Variants in B3GALT1 observed in about 807,000 individuals in gnomAD.
B3GALT1 encodes UDP-Gal:betaGlcNAc beta 1,3-galactosyltransferase, polypeptide 1.
A neutral mutation model predicts 23.2 loss-of-function variants in B3GALT1; 10 were observed. The observed-to-expected ratio is 0.43, with a 90% confidence interval of 0.27 to 0.73. The LOEUF (loss-of-function observed/expected upper bound fraction) is 0.73, where lower values mean the gene tolerates loss of function less well. B3GALT1 is among the 30% of genes least tolerant of loss of function. B3GALT1 has a pLI of 0.21. For synonymous variants in B3GALT1, 156 were observed against 141.5 expected, an observed-to-expected ratio of 1.10 and a Z score of -0.73; for missense variants, 299 against 405.4, an observed-to-expected ratio of 0.74 and a Z score of 2.25.
intron 1 of B3GALT1, among the ~76,000 whole-genome samples, chr2:167,447,816 A>T (rs1392132546): frequency 6.6e-6 from 1 of 152,120 alleles, no homozygotes; most frequent in Non-Finnish European, 1.5e-5. Context: ...TTCCTGGGTG[A>T]GGCGATGCCT....
At chr2:167,745,266 G>T (rs1014107602) in intron 3 of B3GALT1, among the ~76,000 whole-genome samples, 3 of 151,900 alleles carry the variant, frequency 2.0e-5, no homozygotes, top group African/African-American at 4.8e-5. Context: ...AATGTAGATT[G>T]TTGCTCACCC....
intron 4 of B3GALT1, among the ~76,000 whole-genome samples, chr2:167,840,792 A>G (rs1432177048): frequency 6.8e-6 from 1 of 147,688 alleles, no homozygotes; most frequent in Non-Finnish European, 1.5e-5. Flanking sequence ...TCCAACAATG[A>G]TAGACTGGAT....
intron 2 of B3GALT1, among the ~76,000 whole-genome samples, chr2:167,546,880 A>G (rs1216836324): frequency 6.6e-6 from 1 of 152,196 alleles, no homozygotes; most frequent in African/African-American, 2.4e-5. Context: ...TCATTTCACC[A>G]GAGTGTTTCT....
intron 3 of B3GALT1, among the ~76,000 whole-genome samples, chr2:167,653,193 G>GTGGC (rs1685896161): frequency 6.6e-6 from 1 of 152,194 alleles, no homozygotes; most frequent in African/African-American, 2.4e-5. Context: ...TTTAATTTGT[G>GTGGC]TGGCAGTTGT....
At chr2:167,750,812 T>C (rs1180352467) in intron 3 of B3GALT1, among the ~76,000 whole-genome samples, 1 of 151,720 alleles carries the variant, frequency 6.6e-6, no homozygotes, top group Non-Finnish European at 1.5e-5. Flanking sequence ...CCTTCTCTGG[T>C]ACCTACATAT....
chr2:167,413,494 A>G (rs1698422592), intron 1 of B3GALT1, among the ~76,000 whole-genome samples: 1 of 152,002 alleles, frequency 6.6e-6, no homozygotes, highest in Non-Finnish European at 1.5e-5. Context: ...AAATTCATAA[A>G]TTACTTCCTC....
intron 1 of B3GALT1, among the ~76,000 whole-genome samples, chr2:167,445,226 G>C (rs148307702): frequency 0.012 from 1,785 of 152,332 alleles, 14 homozygotes; most frequent in Non-Finnish European, 0.02. Context: ...TGTGGTCTGA[G>C]TGACAGTTTG....
At chr2:167,781,100 CTA>C (rs1574259336) in intron 3 of B3GALT1, among the ~76,000 whole-genome samples, 1 of 152,146 alleles carries the variant, frequency 6.6e-6, no homozygotes, top group Admixed American at 6.5e-5. Flanking sequence ...CTCAGAATTA[CTA>C]AAGTTATATG....
chr2:167,540,806 T>TG (rs1467408315), intron 2 of B3GALT1, among the ~76,000 whole-genome samples: 3 of 152,138 alleles, frequency 2.0e-5, no homozygotes, highest in African/African-American at 7.2e-5. Context: ...CATCAAATCT[T>TG]GAAAAACAGA....
At chr2:167,430,679 A>G (rs1052228765) in intron 1 of B3GALT1, among the ~76,000 whole-genome samples, 5 of 152,184 alleles carry the variant, frequency 3.3e-5, no homozygotes, top group African/African-American at 9.7e-5. Flanking sequence ...TTGAGCAAAT[A>G]GAAGAATGGA....
chr2:167,536,354 A>G (rs1268978233), intron 2 of B3GALT1, among the ~76,000 whole-genome samples: 3 of 152,174 alleles, frequency 2.0e-5, no homozygotes, highest in African/African-American at 7.2e-5. Context: ...AAAGAAAGAG[A>G]AAGACGTGGA....
chr2:167,377,640 G>A (rs1194581519), intron 1 of B3GALT1, among the ~76,000 whole-genome samples: 2 of 151,994 alleles, frequency 1.3e-5, no homozygotes, highest in Non-Finnish European at 2.9e-5. Context: ...TAAAAACAGT[G>A]ACCCCTGCCT....
chr2:167,567,754 A>G (rs1296260153), intron 2 of B3GALT1, among the ~76,000 whole-genome samples: 1 of 152,066 alleles, frequency 6.6e-6, no homozygotes, highest in Admixed American at 6.5e-5. Context: ...CCCGAAGTCC[A>G]TAGTTTACAT....
chr2:167,623,514 A>C, intron 2 of B3GALT1, among the ~76,000 whole-genome samples: 1 of 152,208 alleles, frequency 6.6e-6, no homozygotes, highest in African/African-American at 2.4e-5. Context: ...AGAAAACCAA[A>C]CACCGCATAT....
intron 2 of B3GALT1, among the ~76,000 whole-genome samples, chr2:167,558,631 G>A (rs1683900263): frequency 6.6e-6 from 1 of 152,218 alleles, no homozygotes; most frequent in African/African-American, 2.4e-5. Context: ...GACGGGCTTA[G>A]GAAATGGCGC....
At position 167,411,224 on chromosome 2, in the gene B3GALT1, T is replaced by TAAC. The variant is rs141653413; in HGVS notation, c.-510-78926_-510-78924dup. ...TACATCAAGCTAAAAATCTTCTGTA[T>TAAC]AACAACAACAACAACAACAACAACA... is the stretch of plus-strand genomic sequence containing the variant. On this transcript the variant is annotated intron_variant, in intron 1 of 4. Coordinates refer to ENST00000392690, the MANE Select transcript of B3GALT1 (RefSeq NM_020981.4). Among the ~76,000 whole-genome samples the TAAC allele has an allele frequency of 2.8e-3, 417 of 150,726 alleles. 2 individuals are homozygous for TAAC. Among genetic ancestry groups the TAAC allele is most frequent in the East Asian group, 0.027 (137 of 5,130 alleles).
chr2:167,629,809 T>G (rs1176445491), intron 2 of B3GALT1, among the ~76,000 whole-genome samples: 1 of 151,790 alleles, frequency 6.6e-6, no homozygotes, highest in Non-Finnish European at 1.5e-5. Context: ...CTTGGCAGAT[T>G]TACAAATGTA....
At chr2:167,699,313 C>T (rs1686837635) in intron 3 of B3GALT1, among the ~76,000 whole-genome samples, 3 of 149,882 alleles carry the variant, frequency 2.0e-5, no homozygotes, top group South Asian at 4.2e-4. Context: ...TATATAACAT[C>T]GCCTTAAAGA....
intron 1 of B3GALT1, among the ~76,000 whole-genome samples, chr2:167,435,962 CA>C (rs1698777997): frequency 7.3e-6 from 1 of 137,796 alleles, no homozygotes; most frequent in South Asian, 2.3e-4. Context: ...CAAACACACA[CA>C]CACACACACA....
Sources: gnomAD v4.1 joint callset for allele counts (sites outside exome capture counted in the v4.1 genomes callset) on GRCh38, gnomAD v4.1.1 for gene constraint, MANE v1.5 for transcripts, NCBI Gene and HGNC (gene_info 2026-07-23, HGNC 2026-07-21) for gene names.